Variants in WWOX observed in about 807,000 individuals in gnomAD.
WWOX encodes the protein WW domain containing oxidoreductase.
A neutral mutation model predicts 46.2 loss-of-function variants in WWOX; 69 were observed. The observed-to-expected ratio is 1.49, with a 90% CI of 1.23 to 1.82. The LOEUF is 1.82. Among genes scored for constraint, WWOX ranks in the 40% most tolerant of loss-of-function variants. The probability of loss-of-function intolerance (pLI) is 0.00; values close to 1 mark genes in which losing one functional copy is unlikely to be tolerated. For synonymous variants in WWOX, 359 were observed against 202.6 expected, an observed-to-expected ratio of 1.77 and a Z score of -6.56; for missense variants, 919 against 542.6, an observed-to-expected ratio of 1.69 and a Z score of -6.89.
intron 8 of WWOX, among the ~76,000 whole-genome samples, chr16:78,774,802 G>A (rs1008380805): frequency 3.3e-5 from 5 of 152,106 alleles, no homozygotes; most frequent in Non-Finnish European, 7.3e-5. Context: ...GAACTGTGAG[G>A]TGCTCCCAGG....
At chr16:78,205,966 T>A (rs575279590) in intron 5 of WWOX, among the ~76,000 whole-genome samples, 1 of 151,592 alleles carries the variant, frequency 6.6e-6, no homozygotes, top group East Asian at 1.9e-4. Flanking sequence ...CTTTCCTCCC[T>A]CCCTTTCTTT....
chr16:78,761,143 G>A lies in WWOX; in HGVS notation c.1056+328391G>A, dbSNP rs145345448. Among the ~76,000 whole-genome samples, 329 of 152,270 alleles carry A rather than the reference G, an allele frequency of 2.2e-3. 3 individuals carry two copies. The highest frequency in any genetic ancestry group is 7.1e-3 in the African/African-American group (296 of 41,566). On this transcript the variant is annotated intron_variant, in intron 8 of 8. Coordinates refer to ENST00000566780, the MANE Select transcript of WWOX (RefSeq NM_016373.4). ...CCATATTACAGGCTAATGACTGAGC[G>A]GGGGCTGTTTCTTGTTGTGTTCTTA...
At chr16:78,107,634 C>G (rs1597206500) in intron 1 of WWOX, among the ~76,000 whole-genome samples, 3 of 152,110 alleles carry the variant, frequency 2.0e-5, no homozygotes, top group South Asian at 4.1e-4. Context: ...CAGTTAGGAA[C>G]CAGTGCTTAA....
intron 8 of WWOX, among the ~76,000 whole-genome samples, chr16:79,047,801 C>T (rs1340164639): frequency 3.4e-5 from 5 of 148,878 alleles, no homozygotes; most frequent in African/African-American, 1.2e-4. Context: ...TGATGACTGG[C>T]TCACAGTAGG....
At chr16:78,625,661 G>T (rs930809350) in intron 8 of WWOX, among the ~76,000 whole-genome samples, 1 of 151,608 alleles carries the variant, frequency 6.6e-6, no homozygotes, top group Non-Finnish European at 1.5e-5. Flanking sequence ...GCCATTAAAA[G>T]TAATAGTAAT....
chr16:78,874,216 G>C (rs919285534), intron 8 of WWOX, among the ~76,000 whole-genome samples: 1 of 148,726 alleles, frequency 6.7e-6, no homozygotes, highest in Non-Finnish European at 1.5e-5. Flanking sequence ...AGATGGCGCC[G>C]CTGCACTCTA....
At chr16:78,620,290 G>A (rs547918623) in intron 8 of WWOX, among the ~76,000 whole-genome samples, 1 of 152,304 alleles carries the variant, frequency 6.6e-6, no homozygotes, top group South Asian at 2.1e-4. Context: ...TTGGCCCATG[G>A]CTTTCTGCTA....
intron 8 of WWOX, among the ~76,000 whole-genome samples, chr16:79,044,651 C>G (rs2048033254): frequency 6.6e-6 from 1 of 152,316 alleles, no homozygotes; most frequent in East Asian, 1.9e-4. Flanking sequence ...AACCTCTTTT[C>G]TTTATAAATT....
At chr16:78,693,780 G>A (rs560289034) in intron 8 of WWOX, among the ~76,000 whole-genome samples, 1 of 152,264 alleles carries the variant, frequency 6.6e-6, no homozygotes, top group African/African-American at 2.4e-5. Context: ...CCAAGGCTGA[G>A]AATTGTTGAT....
intron 8 of WWOX, among the ~76,000 whole-genome samples, chr16:78,714,404 C>T (rs541899951): frequency 1.7e-4 from 26 of 152,110 alleles, no homozygotes; most frequent in African/African-American, 6.0e-4. Context: ...GAGACTTATT[C>T]ACTGTCACGA....
intron 8 of WWOX, among the ~76,000 whole-genome samples, chr16:78,813,768 C>T (rs529704739): frequency 1.1e-4 from 17 of 152,246 alleles, no homozygotes; most frequent in African/African-American, 4.1e-4. Context: ...TATGTCAGAC[C>T]AGGATGAGTG....
intron 8 of WWOX, among the ~76,000 whole-genome samples, chr16:79,184,409 A>T (rs928804926): frequency 2.6e-5 from 4 of 152,240 alleles, no homozygotes; most frequent in Admixed American, 2.6e-4. Context: ...TGGAATAATC[A>T]GTCACCATGT....
At chr16:78,811,824 C>T (rs917397543) in intron 8 of WWOX, among the ~76,000 whole-genome samples, 2 of 152,184 alleles carry the variant, frequency 1.3e-5, no homozygotes, top group African/African-American at 4.8e-5. Flanking sequence ...GGTAGAGGGA[C>T]ACAAACATTC....
intron 8 of WWOX, among the ~76,000 whole-genome samples, chr16:78,656,409 C>A (rs1016794841): frequency 2.6e-5 from 4 of 152,124 alleles, no homozygotes; most frequent in South Asian, 2.1e-4. Flanking sequence ...GTTTAATTGG[C>A]TCATGGTTCC....
chr16:78,476,024 C>T (rs552256261), intron 8 of WWOX, among the ~76,000 whole-genome samples: 3 of 152,284 alleles, frequency 2.0e-5, no homozygotes, highest in South Asian at 2.1e-4. Flanking sequence ...ACTCCTTACT[C>T]ATGCTTCCTC....
chr16:78,396,298 T>C lies in WWOX; in HGVS notation c.605+9350T>C, dbSNP rs569752909. On this transcript the variant is annotated intron_variant, in intron 6 of 8. Transcript: ENST00000566780. ...AATTAGGGGTCACTTAGCATGACATTTGTCGGAAAAAAAAAAGTTAGTGAG... is the reference window on the plus strand; with the variant it reads ...AATTAGGGGTCACTTAGCATGACATCTGTCGGAAAAAAAAAAGTTAGTGAG... Among the ~76,000 whole-genome samples, 4 of 152,144 alleles carry C rather than the reference T, an allele frequency of 2.6e-5. No homozygotes were observed. The South Asian group carries it at 8.3e-4, about 32-fold the overall frequency.
At chr16:78,771,826 C>T (rs2050072029) in intron 8 of WWOX, among the ~76,000 whole-genome samples, 2 of 151,794 alleles carry the variant, frequency 1.3e-5, no homozygotes, top group Non-Finnish European at 2.9e-5. Flanking sequence ...AGTTGGATCA[C>T]AGCAAAGGTG....
intron 8 of WWOX, among the ~76,000 whole-genome samples, chr16:78,529,993 A>C (rs986046554): frequency 1.3e-5 from 2 of 152,156 alleles, no homozygotes; most frequent in African/African-American, 4.8e-5. Context: ...TGGAGTGCGG[A>C]TGCTGGAACT....
intron 8 of WWOX, among the ~76,000 whole-genome samples, chr16:78,991,799 G>T (rs1186010676): frequency 6.6e-6 from 1 of 152,074 alleles, no homozygotes; most frequent in East Asian, 1.9e-4. Context: ...GCTTTCAGGA[G>T]ATCTTGGTAG....
Sources: gnomAD v4.1 joint callset for allele counts (sites outside exome capture counted in the v4.1 genomes callset) on GRCh38, gnomAD v4.1.1 for gene constraint, MANE v1.5 for transcripts, NCBI Gene and HGNC (gene_info 2026-07-23, HGNC 2026-07-21) for gene names.